EIF4E3: variants seen among roughly 807,000 people sequenced by gnomAD.
The protein encoded by EIF4E3 is eukaryotic translation initiation factor 4E type 3.
In EIF4E3, 26 loss-of-function variants were observed where a neutral mutation model predicts 31.7. The ratio of observed to expected loss-of-function variants is 0.82; its 90% CI spans 0.60 to 1.14. EIF4E3 has a LOEUF of 1.14. Among genes scored for constraint, EIF4E3 ranks in the 50% most tolerant of loss-of-function variants. The pLI is 0.00. For synonymous variants in EIF4E3, 128 were observed against 107.7 expected (o/e 1.19, Z -1.17); for missense variants, 304 against 270.9 (o/e 1.12, Z -0.86).
the EIF4E3 span, among the ~76,000 whole-genome samples, chr3:71,662,239 G>T: frequency 4.6e-5 from 7 of 152,134 alleles, no homozygotes; most frequent in Non-Finnish European, 1.0e-4. Flanking sequence ...TGAAAGAAGC[G>T]TCTCTTAGCT....
At chr3:71,706,145 T>A (rs927789215) in intron 2 of EIF4E3, among the ~76,000 whole-genome samples, 2 of 152,222 alleles carry the variant, frequency 1.3e-5, no homozygotes, top group African/African-American at 4.8e-5. Context: ...GAAAGTGTCC[T>A]CAGCAGGGGT....
In EIF4E3 at chr3:71,699,725, AAC is replaced by A; in HGVS notation, c.250-19_250-18del. The A allele has an allele frequency of 6.3e-7, 1 of 1,599,130 alleles. No individual in the cohort carries two copies. Among genetic ancestry groups the A allele is most frequent in the South Asian group, 1.1e-5 (1 of 90,806 alleles). On this transcript the variant is annotated intron_variant, in intron 2 of 6. Transcript: ENST00000425534. ...CCAAAATATCTTTAAAAGAAAAACAAACACTTTGTTTAATATACCCAGTATTG... is the reference window on the plus strand; with the variant it reads ...CCAAAATATCTTTAAAAGAAAAACAAACTTTGTTTAATATACCCAGTATTG...
At chr3:71,663,743 T>A in the EIF4E3 span, among the ~76,000 whole-genome samples, 2 of 152,366 alleles carry the variant, frequency 1.3e-5, no homozygotes, top group Admixed American at 1.3e-4. Context: ...CGCTCATGCC[T>A]GTTTTATGCA....
chr3:71,735,433 AT>A (rs974412970), intron 1 of EIF4E3, among the ~76,000 whole-genome samples: 4 of 152,164 alleles, frequency 2.6e-5, no homozygotes, highest in African/African-American at 9.7e-5. Context: ...CATGGGACAT[AT>A]TTTTCTTCAA....
At chr3:71,692,853 C>T (rs550047732) in intron 5 of EIF4E3, among the ~76,000 whole-genome samples, 2 of 152,242 alleles carry the variant, frequency 1.3e-5, no homozygotes, top group African/African-American at 4.8e-5. Context: ...TCTTGGCCTC[C>T]CAAAGTGCTG....
rs755263000 is a variant in EIF4E3, at chr3:71,675,520, G to A, written c.*9162C>T. 1 of 152,178 alleles carries A rather than the reference G, an allele frequency of 6.6e-6. No homozygotes were observed. The highest frequency in any genetic ancestry group is 1.5e-5 in the Non-Finnish European group (1 of 68,032). 9.4% of individuals were successfully genotyped at this position (152,178 alleles called of 1,614,324 possible). On this transcript the variant is annotated 3_prime_UTR_variant, in exon 7 of 7. Transcript: ENST00000425534. ...TTTAAGACAAATCTGCTTACATGGA[G>A]TTGTCGCAAAGAAGCAGGTTAGAAA...
Position 71,752,806 on chromosome 3 carries a change from C to A in EIF4E3, c.-291+657G>T, listed in dbSNP as rs146457468. 1.9e-4 allele frequency among the ~76,000 whole-genome samples: 29 copies of A among 152,314 alleles called. No individual in the cohort carries two copies. In the South Asian group the frequency reaches 5.6e-3, roughly 29 times the overall value. On this transcript the variant is annotated intron_variant, in intron 1 of 7. Coordinates refer to the EIF4E3 transcript ENST00000295612. ...ACAGACGGGTTAGAAGGAGGCCCTACGGAGAGGGAGCCTGTTGTGGGGCTG... is the reference window on the plus strand; with the variant it reads ...ACAGACGGGTTAGAAGGAGGCCCTAAGGAGAGGGAGCCTGTTGTGGGGCTG...
upstream of EIF4E3, among the ~76,000 whole-genome samples, chr3:71,729,622 G>C (rs149862640): frequency 5.9e-5 from 9 of 152,306 alleles, no homozygotes; most frequent in East Asian, 1.7e-3. Context: ...AAATGTATAT[G>C]TCAAGTCCCT....
chr3:71,725,146 A>G lies in EIF4E3; in HGVS notation c.176+46T>C, dbSNP rs2108123110. ...GCCGAGACAAAGCGGCGGTGGCGGCAGGACCCGGGTCGGGGCCGTGCGCGG... is the reference window on the plus strand; with the variant it reads ...GCCGAGACAAAGCGGCGGTGGCGGCGGGACCCGGGTCGGGGCCGTGCGCGG... On this transcript the variant is annotated intron_variant, in intron 1 of 6. Transcript: ENST00000425534. This position sits in a 1 kb window ranked among gnomAD's most constrained non-coding sequence, Gnocchi z 6.1. 2 of 1,038,076 alleles carry G rather than the reference A, an allele frequency of 1.9e-6. No homozygotes were observed. The highest frequency in any genetic ancestry group is 8.4e-5 in the East Asian group (1 of 11,904). 64.3% of individuals were successfully genotyped at this position (1,038,076 alleles called of 1,614,324 possible). A position where few individuals can be genotyped will look rare whatever the true frequency, so the allele number is the denominator to read the frequency against.
intron 6 of EIF4E3, among the ~76,000 whole-genome samples, chr3:71,688,382 C>T (rs749991949): frequency 6.6e-6 from 1 of 152,144 alleles, no homozygotes; most frequent in Non-Finnish European, 1.5e-5. Context: ...CAATGTGCTA[C>T]CTGGAAACTT....
the EIF4E3 span, among the ~76,000 whole-genome samples, chr3:71,667,781 C>T: frequency 6.6e-6 from 1 of 152,148 alleles, no homozygotes; most frequent in Non-Finnish European, 1.5e-5. Context: ...AAAATATTCC[C>T]TGCTCATGAA....
At chr3:71,712,635 T>TGGGGGGGG in intron 1 of EIF4E3, among the ~76,000 whole-genome samples, 1 of 59,358 alleles carries the variant, frequency 1.7e-5, no homozygotes, top group South Asian at 6.9e-4. Flanking sequence ...TTGCGGGGGG[T>TGGGGGGGG]GGGCGGGGGA....
intron 1 of EIF4E3, among the ~76,000 whole-genome samples, chr3:71,713,586 G>A (rs2049414995): frequency 6.6e-6 from 1 of 151,988 alleles, no homozygotes; most frequent in Non-Finnish European, 1.5e-5. Context: ...ACAGGTGCAT[G>A]TCACCACAGC....
intron 1 of EIF4E3, among the ~76,000 whole-genome samples, chr3:71,739,665 C>G (rs944206133): frequency 6.6e-6 from 1 of 151,902 alleles, no homozygotes; most frequent in Non-Finnish European, 1.5e-5. Context: ...CCACTACACT[C>G]TAGCCTGGGT....
Position 71,681,813 on chromosome 3 carries a change from A to T in EIF4E3, c.*2869T>A, listed in dbSNP as rs930463165. On this transcript the variant is annotated 3_prime_UTR_variant, in exon 7 of 7. Transcript: ENST00000425534. Reference sequence around the variant, plus strand: ...AGTCTTGTGACTGTGTGCATGGTGTAGACATGGGCTAAACTCAAGAAGAGG... The same window carrying T: ...AGTCTTGTGACTGTGTGCATGGTGTTGACATGGGCTAAACTCAAGAAGAGG... 6.6e-6 allele frequency: 1 copy of T among 152,222 alleles called. No homozygotes were observed. The highest frequency in any genetic ancestry group is 2.4e-5 in the African/African-American group (1 of 41,456). 9.4% of individuals were successfully genotyped at this position (152,222 alleles called of 1,614,324 possible).
chr3:71,747,176 CTA>C (rs768832697), intron 1 of EIF4E3, among the ~76,000 whole-genome samples: 15 of 152,252 alleles, frequency 9.9e-5, no homozygotes, highest in Admixed American at 3.9e-4. Context: ...TAAGGTAACT[CTA>C]TGTTTAACTT....
At chr3:71,726,274 G>C (rs2049637805), upstream of EIF4E3, among the ~76,000 whole-genome samples, 1 of 152,146 alleles carries the variant, frequency 6.6e-6, no homozygotes, top group South Asian at 2.1e-4. Flanking sequence ...CCGGCGAGTC[G>C]GGAGGAGGAA....
chr3:71,751,359 ACATAC>A (rs2049927480), intron 1 of EIF4E3, among the ~76,000 whole-genome samples: 1 of 152,240 alleles, frequency 6.6e-6, no homozygotes, highest in South Asian at 2.1e-4. Flanking sequence ...CAGTAACAGC[ACATAC>A]CACATCTGGC....
At chr3:71,708,266 G>A (rs1447899) in intron 2 of EIF4E3, among the ~76,000 whole-genome samples, 50,094 of 151,908 alleles carry the variant, frequency 0.33, 8,908 homozygotes, top group East Asian at 0.46. Context: ...ATAAAATTCA[G>A]TAACAGAATG....
Sources: allele counts gnomAD v4.1 joint callset (sites outside exome capture counted in the v4.1 genomes callset), GRCh38; gene constraint gnomAD v4.1.1; non-coding constraint Gnocchi (gnomAD v3.1); transcripts MANE v1.5; gene names NCBI Gene and HGNC (gene_info 2026-07-23, HGNC 2026-07-21).